The following NTHL1 variants were observed in gnomAD, a reference collection of about 807,000 sequenced individuals.
NTHL1 encodes nth like DNA glycosylase 1.
A neutral mutation model predicts 32.3 loss-of-function variants in NTHL1; 32 were observed. The ratio of observed to expected loss-of-function variants is 0.99; its 90% confidence interval spans 0.75 to 1.33. The LOEUF (loss-of-function observed/expected upper bound fraction) is 1.33, where lower values mean the gene tolerates loss of function less well. Ranked by LOEUF, NTHL1 falls within the 40% of genes most tolerant of loss-of-function variation. The probability of loss-of-function intolerance (pLI) is 0.00; values close to 1 mark genes in which losing one functional copy is unlikely to be tolerated. For synonymous variants in NTHL1, 188 were observed against 176.9 expected, an observed-to-expected ratio of 1.06 and a Z score of -0.50; for missense variants, 501 against 414.1, an observed-to-expected ratio of 1.21 and a Z score of -1.82.
rs767282292 is a variant in NTHL1 at position 2,047,807 on chromosome 16, G to A, written c.17C>T (p.Ala6Val). The A allele has an allele frequency of 1.3e-6, 2 of 1,592,320 alleles. No homozygotes were observed. The highest frequency in any genetic ancestry group is 1.3e-5 in the African/African-American group (1 of 74,770). MTALSARMLTRSRSLG... is the reference protein window; with the variant it reads MTALSVRMLTRSRSLG... ...GCTCCGGCTCCGGGTCAGCATCCTC[G>A]CGCTCAAGGCGGTCATGCCGGACTC... is the stretch of plus-strand genomic sequence containing the variant. The change falls in exon 1 of 6, where the codon GCG becomes GTG. Residue 6 changes from alanine to valine, a missense_variant. Transcript: ENST00000651570.
chr16:2,041,993 TC>T, intron 4 of NTHL1: 1 of 454,914 alleles, frequency 2.2e-6, no homozygotes, highest in Admixed American at 2.4e-5. Context: ...CCTCAGGTGA[TC>T]CACATACCTC....
intron 1 of NTHL1, chr16:2,047,458 A>G (rs1484443453): frequency 1.7e-6 from 1 of 600,450 alleles, no homozygotes; most frequent in Non-Finnish European, 2.9e-6. Context: ...AGTGGTGGGA[A>G]AGGAAGCGTT....
At position 2,044,177 on chromosome 16, in the gene NTHL1, G is replaced by A. The variant is rs78141372; in HGVS notation, c.526-451C>T. On this transcript the variant is annotated intron_variant, in intron 3 of 5. Transcript: ENST00000651570. The surrounding 1 kb of genome is among the most constrained non-coding windows in gnomAD (Gnocchi z 5.0). The stretch of plus-strand genomic sequence containing the variant: ...ACCCATCTGAGAAACTGCGGCCCAC[G>A]CGGGTGCCAAGGGGAAGCGGCCCCA... 0.022 allele frequency: 7,155 copies of A among 321,908 alleles called. 125 individuals carry two copies. The highest frequency in any genetic ancestry group is 0.03 in the Non-Finnish European group (5,068 of 166,762). 19.9% of individuals were successfully genotyped at this position (321,908 alleles called of 1,614,324 possible). A position where few individuals can be genotyped will look rare whatever the true frequency, so the allele number is the denominator to read the frequency against.
At chr16:2,040,273 ACT>A in intron 4 of NTHL1, 35 bp from the exon 5 acceptor site, 1 of 1,588,208 alleles carries the variant, frequency 6.3e-7, no homozygotes, top group Non-Finnish European at 8.6e-7. Context: ...ACAGGGGCAC[ACT>A]CCACCAGCCT....
At position 2,047,775 on chromosome 16, in the gene NTHL1, G is replaced by T; in HGVS notation, c.49C>A (p.Pro17Thr). 1 of 1,588,668 alleles carries T rather than the reference G, an allele frequency of 6.3e-7. No individual in the cohort carries two copies. The change falls in exon 1 of 6, where the codon CCC (proline) becomes ACC (threonine). Residue 17 changes from proline (P) to threonine (T), a missense_variant. Transcript: ENST00000651570. ...RMLTRSRSLG[P>T]GAGPRGCREE... ...CTACACCCCCGCGGCCCAGCCCCGG[G>T]TCCCAGGCTCCGGCTCCGGGTCAGC...
At chr16:2,046,433 C>A in intron 1 of NTHL1, 67 bp from the exon 2 acceptor site, 1 of 1,417,366 alleles carries the variant, frequency 7.1e-7, no homozygotes, top group South Asian at 1.2e-5. Context: ...GGTGCCATCC[C>A]GCCTGCTAGC....
intron 4 of NTHL1, chr16:2,042,219 G>A (rs2084276717): frequency 7.4e-6 from 3 of 406,714 alleles, no homozygotes; most frequent in Non-Finnish European, 1.5e-5. Context: ...CTGCCTGGCT[G>A]CGGGCAGGGA....
At position 2,046,266 on chromosome 16, in the gene NTHL1, C is replaced by A; in HGVS notation, c.216G>T (p.Glu72Asp). The change falls in exon 2 of 6, where the codon GAG (glutamate) becomes GAT (aspartate). Residue 72 changes from glutamate (E) to aspartate (D), a missense_variant. By Grantham distance (45) the Glu-to-Asp change is conservative. Transcript: ENST00000651570. The stretch of plus-strand genomic sequence containing the variant: ...GCTCCCAGACTGGCACCTTGAGGGG[C>A]TCAGCCCCCTCACCTTTCTCACTGT... ...GSDSEKGEGA[E>D]PLKVPVWEPQ... is the part of the protein sequence containing the mutation. 1.2e-6 allele frequency: 2 copies of A among 1,613,280 alleles called. No individual in the cohort carries two copies. The highest frequency in any genetic ancestry group is 1.7e-6 in the Non-Finnish European group (2 of 1,179,994).
intron 1 of NTHL1, chr16:2,047,450 T>C: frequency 1.7e-6 from 1 of 573,542 alleles, no homozygotes; most frequent in Non-Finnish European, 3.0e-6. Flanking sequence ...CCGGACAGAG[T>C]GGTGGGAAAG....
chr16:2,040,551 G>A, intron 4 of NTHL1: 1 of 489,932 alleles, frequency 2.0e-6, no homozygotes, highest in Non-Finnish European at 3.8e-6. Context: ...TCTGCTTTGG[G>A]CAGGGCCTGG....
chr16:2,040,078 CAG>C lies in NTHL1; in HGVS notation c.792-33_792-32del, dbSNP rs1260014433. The C allele has an allele frequency of 5.6e-6, 9 of 1,612,528 alleles. No individual in the cohort carries two copies. The South Asian group carries it at 8.8e-5, about 16-fold the overall frequency. ...GGGGTGGGGGCTGGGTCAGTGCTGA[CAG>C]AGGGCGGGCGGGGTGAGCTCTTCTC... On this transcript the variant is annotated intron_variant, in intron 5 of 5. Coordinates refer to ENST00000651570, the MANE Select transcript of NTHL1 (RefSeq NM_002528.7).
intron 4 of NTHL1, among the ~76,000 whole-genome samples, chr16:2,042,526 C>A (rs1422853654): frequency 1.3e-5 from 2 of 152,138 alleles, no homozygotes; most frequent in East Asian, 3.9e-4. Context: ...GCACAGGCCC[C>A]CTGCAGGAGT....
At chr16:2,046,497 G>A in intron 1 of NTHL1, 131 bp from the exon 2 acceptor site, 1 of 824,178 alleles carries the variant, frequency 1.2e-6, no homozygotes, top group Middle Eastern at 3.6e-4. Flanking sequence ...CACTTGGGGT[G>A]CTCTGCCCTC....
chr16:2,041,305 G>T lies in NTHL1; in HGVS notation c.686-1067C>A, dbSNP rs531600065. On this transcript the variant is annotated intron_variant, in intron 4 of 5. Transcript: ENST00000651570. ...CCACGTCACGTTGTGTGAGCCTCCT[G>T]CCCACCTGGACAGTGAATGACGAGG... 4.5e-3 allele frequency among the ~76,000 whole-genome samples: 685 copies of T among 152,314 alleles called. 2 individuals carry two copies. Among genetic ancestry groups the T allele is most frequent in the Middle Eastern group, 6.8e-3 (2 of 294 alleles).
chr16:2,041,568 G>A (rs2084268931), intron 4 of NTHL1, among the ~76,000 whole-genome samples: 2 of 151,780 alleles, frequency 1.3e-5, no homozygotes, highest in Admixed American at 6.6e-5. Flanking sequence ...TCAGCCTCCC[G>A]AGGAGCTGGA....
intron 1 of NTHL1, 190 bp downstream of exon 1, chr16:2,047,519 C>A: frequency 1.0e-6 from 1 of 980,786 alleles, no homozygotes; most frequent in African/African-American, 1.7e-5. Flanking sequence ...CGAAACCCAG[C>A]CCCTGCGGAC....
chr16:2,047,157 G>A (rs2516739), intron 1 of NTHL1: 45,417 of 155,340 alleles, frequency 0.29, 8,243 homozygotes, highest in African/African-American at 0.51. Context: ...TGGGAATCCA[G>A]CTCTGGCCAA....
chr16:2,046,597 A>C (rs2084407472), intron 1 of NTHL1, among the ~76,000 whole-genome samples: 1 of 152,128 alleles, frequency 6.6e-6, no homozygotes, highest in Non-Finnish European at 1.5e-5. Context: ...AGCCTGTACC[A>C]AGGTGCCCCC....
intron 4 of NTHL1, among the ~76,000 whole-genome samples, chr16:2,042,461 C>G (rs998367463): frequency 6.6e-6 from 1 of 152,174 alleles, no homozygotes; most frequent in Non-Finnish European, 1.5e-5. Flanking sequence ...TAGAGGCCCC[C>G]GGCCCTTGGT....
Sources: allele counts gnomAD v4.1 joint callset (sites outside exome capture counted in the v4.1 genomes callset), GRCh38; gene constraint gnomAD v4.1.1; non-coding constraint Gnocchi (gnomAD v3.1); transcripts MANE v1.5; gene names NCBI Gene and HGNC (gene_info 2026-07-23, HGNC 2026-07-21).